Variants in CTNNA2 observed in about 807,000 individuals in gnomAD.
CTNNA2 encodes the protein catenin alpha-2.
In CTNNA2, 42 loss-of-function variants were observed where a neutral mutation model predicts 101.0. The observed-to-expected ratio is 0.42, with a 90% CI of 0.32 to 0.54. The LOEUF (loss-of-function observed/expected upper bound fraction) is 0.54, where lower values mean the gene tolerates loss of function less well. Ranked by LOEUF, CTNNA2 falls within the 20% of genes least tolerant of loss-of-function variation. The pLI is 0.14. For missense variants in CTNNA2, 871 were observed against 1,223.1 expected (o/e 0.71, Z 4.29); for synonymous variants, 450 against 456.4 (o/e 0.99, Z 0.18).
chr2:79,805,813 C>T (rs1676528561), intron 3 of CTNNA2, among the ~76,000 whole-genome samples: 1 of 151,964 alleles, frequency 6.6e-6, no homozygotes, highest in African/African-American at 2.4e-5. Flanking sequence ...TGGCGGGCAC[C>T]TGTAGTCCCA....
chr2:80,300,281 G>GGGGTGTGTGTGT (rs1353283390), intron 7 of CTNNA2, among the ~76,000 whole-genome samples: 9 of 93,106 alleles, frequency 9.7e-5, no homozygotes, highest in Non-Finnish European at 1.7e-4. Flanking sequence ...GGGGTGTTGG[G>GGGGTGTGTGTGT]GTGTGTGTGT....
intron 4 of CTNNA2, among the ~76,000 whole-genome samples, chr2:79,410,004 A>G (rs936681154): frequency 2.0e-5 from 3 of 150,402 alleles, no homozygotes; most frequent in African/African-American, 7.3e-5. Flanking sequence ...TTCTCCTTGA[A>G]GAGGTCCTTC....
At chr2:80,136,575 G>T (rs1254398659) in intron 7 of CTNNA2, among the ~76,000 whole-genome samples, 1 of 152,114 alleles carries the variant, frequency 6.6e-6, no homozygotes, top group Non-Finnish European at 1.5e-5. Context: ...GTTGCGTTCT[G>T]AGCTTGTGCC....
At chr2:80,154,426 A>G (rs2148933522) in intron 7 of CTNNA2, among the ~76,000 whole-genome samples, 1 of 152,320 alleles carries the variant, frequency 6.6e-6, no homozygotes, top group East Asian at 1.9e-4. Flanking sequence ...GGGTTTCCAC[A>G]ATGCCGGGAG....
At chr2:79,506,513 A>G (rs1453189833) in intron 5 of CTNNA2, among the ~76,000 whole-genome samples, 1 of 152,112 alleles carries the variant, frequency 6.6e-6, no homozygotes, top group Non-Finnish European at 1.5e-5. Context: ...CAATAATTAT[A>G]CTCAGAACCT....
At chr2:79,661,821 T>G (rs1263311177) in intron 2 of CTNNA2, among the ~76,000 whole-genome samples, 1 of 152,036 alleles carries the variant, frequency 6.6e-6, no homozygotes, top group Admixed American at 6.6e-5. Context: ...TTGTGTCAAC[T>G]TGGTAAGGTC....
intron 4 of CTNNA2, among the ~76,000 whole-genome samples, chr2:79,446,517 G>A (rs1318464006): frequency 6.6e-6 from 1 of 152,070 alleles, no homozygotes; most frequent in Non-Finnish European, 1.5e-5. Context: ...TTGCACAGGA[G>A]TGGAATTACT....
chr2:79,773,027 T>A (rs1673705195), intron 3 of CTNNA2, among the ~76,000 whole-genome samples: 1 of 152,184 alleles, frequency 6.6e-6, no homozygotes, highest in Non-Finnish European at 1.5e-5. Context: ...GGATTTTCTC[T>A]CCTATAGGCC....
At chr2:79,197,711 C>G (rs1299794475) in intron 1 of CTNNA2, among the ~76,000 whole-genome samples, 1 of 152,218 alleles carries the variant, frequency 6.6e-6, no homozygotes, top group East Asian at 1.9e-4. Flanking sequence ...ATCCATGCAT[C>G]CATGATTACC....
chr2:79,480,050 G>A (rs542298548), intron 4 of CTNNA2, among the ~76,000 whole-genome samples: 2 of 152,244 alleles, frequency 1.3e-5, no homozygotes, highest in Admixed American at 6.5e-5. Flanking sequence ...GCCTGAAGGT[G>A]CTTCCACTCA....
At chr2:80,027,715 C>A (rs1695022815) in intron 7 of CTNNA2, among the ~76,000 whole-genome samples, 2 of 151,836 alleles carry the variant, frequency 1.3e-5, no homozygotes, top group Non-Finnish European at 2.9e-5. Context: ...GCCTGTAATC[C>A]CAGCACTTTG....
At chr2:79,793,888 GCACA>G (rs71385299) in intron 3 of CTNNA2, among the ~76,000 whole-genome samples, 332 of 142,712 alleles carry the variant, frequency 2.3e-3, no homozygotes, top group Admixed American at 4.5e-3. Flanking sequence ...ACACACTCAT[GCACA>G]CACACACACA....
intron 7 of CTNNA2, among the ~76,000 whole-genome samples, chr2:80,230,034 A>G (rs1378510438): frequency 4.6e-5 from 7 of 152,148 alleles, no homozygotes; most frequent in African/African-American, 1.7e-4. Flanking sequence ...TACAATTTTC[A>G]GTTGAATAAC....
At chr2:80,583,184 T>G (rs1695688680) in intron 14 of CTNNA2, among the ~76,000 whole-genome samples, 1 of 152,200 alleles carries the variant, frequency 6.6e-6, no homozygotes, top group African/African-American at 2.4e-5. Context: ...AGGATTCTTA[T>G]GAAGATTTAA....
intron 7 of CTNNA2, among the ~76,000 whole-genome samples, chr2:80,323,296 T>C (rs911391670): frequency 1.3e-5 from 2 of 152,236 alleles, no homozygotes; most frequent in Non-Finnish European, 2.9e-5. Context: ...AATCTGCGTT[T>C]TGAGGCGGTC....
At chr2:79,735,229 C>T (rs187373010) in intron 2 of CTNNA2, among the ~76,000 whole-genome samples, 42 of 152,134 alleles carry the variant, frequency 2.8e-4, no homozygotes, top group Non-Finnish European at 4.6e-4. Flanking sequence ...AACATCGTGC[C>T]CTAATAGAGA....
chr2:80,638,878 G>GCAAGGCTGTGGAGAATTTTTTCT (rs1176862570), intron 18 of CTNNA2, among the ~76,000 whole-genome samples: 1 of 152,188 alleles, frequency 6.6e-6, no homozygotes, highest in Non-Finnish European at 1.5e-5. Flanking sequence ...AAATTCCTCA[G>GCAAGGCTGTGGAGAATTTTTTCT]CAAGGCTGTG....
At chr2:80,306,523 C>T (rs1031728306) in intron 7 of CTNNA2, among the ~76,000 whole-genome samples, 2 of 151,050 alleles carry the variant, frequency 1.3e-5, no homozygotes, top group African/African-American at 4.9e-5. Context: ...TTGCTGCCTA[C>T]CTAACTCTGG....
chr2:79,806,934 A>T (rs891434488), intron 3 of CTNNA2, among the ~76,000 whole-genome samples: 6 of 152,214 alleles, frequency 3.9e-5, no homozygotes, highest in Middle Eastern at 3.4e-3. Context: ...GACATGCTCA[A>T]GCATTCTTTA....
Sources: allele counts gnomAD v4.1 joint callset (sites outside exome capture counted in the v4.1 genomes callset), GRCh38; gene constraint gnomAD v4.1.1; transcripts MANE v1.5; gene names NCBI Gene and HGNC (gene_info 2026-07-23, HGNC 2026-07-21).